The following CDKAL1 variants were observed in gnomAD, a reference collection of about 807,000 sequenced individuals.
CDKAL1 encodes CDKAL1 threonylcarbamoyladenosine tRNA methylthiotransferase, also known as threonylcarbamoyladenosine tRNA methylthiotransferase.
Under a neutral mutation model 68.2 loss-of-function variants are expected in CDKAL1, and 32 were observed. The observed-to-expected ratio is 0.47, with a 90% confidence interval of 0.35 to 0.63. The LOEUF (loss-of-function observed/expected upper bound fraction) is 0.63, where lower values mean the gene tolerates loss of function less well. Ranked by LOEUF, CDKAL1 falls within the 30% of genes least tolerant of loss-of-function variation. The probability of loss-of-function intolerance (pLI) is 0.00; values close to 1 mark genes in which losing one functional copy is unlikely to be tolerated. For missense variants in CDKAL1, 606 were observed against 696.7 expected (o/e 0.87, Z 1.47); for synonymous variants, 234 against 244.3 (o/e 0.96, Z 0.39).
intron 10 of CDKAL1, among the ~76,000 whole-genome samples, chr6:20,978,422 G>C (rs957049506): frequency 2.0e-5 from 3 of 152,100 alleles, no homozygotes; most frequent in Non-Finnish European, 4.4e-5. Flanking sequence ...TTCAAAATTT[G>C]GTTCTTTTAT....
chr6:20,572,881 GAAA>G (rs1226676343), intron 4 of CDKAL1, among the ~76,000 whole-genome samples: 1 of 151,920 alleles, frequency 6.6e-6, no homozygotes. Context: ...TTTAAAAAAA[GAAA>G]AAAACTAGGC....
intron 13 of CDKAL1, among the ~76,000 whole-genome samples, chr6:21,121,378 C>T (rs1040397301): frequency 5.3e-5 from 8 of 152,122 alleles, no homozygotes; most frequent in Admixed American, 1.3e-4. Flanking sequence ...GAGAATACTG[C>T]GTTCCATAGA....
At chr6:20,977,568 A>G (rs1269189065) in intron 10 of CDKAL1, among the ~76,000 whole-genome samples, 1 of 152,148 alleles carries the variant, frequency 6.6e-6, no homozygotes, top group Non-Finnish European at 1.5e-5. Flanking sequence ...TCATTCTATG[A>G]TTTTTAAAAA....
chr6:20,792,285 A>G (rs907968769), intron 8 of CDKAL1, among the ~76,000 whole-genome samples: 3 of 152,146 alleles, frequency 2.0e-5, no homozygotes, highest in African/African-American at 7.2e-5. Context: ...AGGAGTGTCT[A>G]TTTTTTGGTA....
Position 20,840,820 on chromosome 6 carries a change from C to T in CDKAL1, c.639-5255C>T, listed in dbSNP as rs115158921. On this transcript the variant is annotated intron_variant, in intron 8 of 15. Coordinates refer to ENST00000274695, the MANE Select transcript of CDKAL1 (RefSeq NM_017774.3). Reference sequence around the variant, plus strand: ...AAAAACAGTTAAACCAAGATGAGGGCTCACAGTAGGCTATATTTAACAATG... The same window carrying T: ...AAAAACAGTTAAACCAAGATGAGGGTTCACAGTAGGCTATATTTAACAATG... 3.5e-3 allele frequency among the ~76,000 whole-genome samples: 529 copies of T among 152,312 alleles called. 1 individual carries two copies. The highest frequency in any genetic ancestry group is 5.4e-3 in the Non-Finnish European group (365 of 68,036).
chr6:21,004,892 T>A (rs1354798267), intron 11 of CDKAL1, among the ~76,000 whole-genome samples: 2 of 152,098 alleles, frequency 1.3e-5, no homozygotes, highest in Non-Finnish European at 2.9e-5. Flanking sequence ...AGCCTGGAAG[T>A]TGGAAGTTAC....
At position 20,658,799 on chromosome 6, in the gene CDKAL1, C is replaced by T. The variant is rs536634772; in HGVS notation, c.371+9422C>T. Among the ~76,000 whole-genome samples, 4 of 152,194 alleles carry T rather than the reference C, an allele frequency of 2.6e-5. No individual in the cohort carries two copies. The South Asian group carries it at 6.2e-4, about 24-fold the overall frequency. On this transcript the variant is annotated intron_variant, in intron 5 of 15. Coordinates refer to ENST00000274695, the MANE Select transcript of CDKAL1 (RefSeq NM_017774.3). ...ATTCACTAGTAATTTTCTTTTTTAA[C>T]TAAACTTCTAAAAGTTACTTTTATT...
At chr6:21,044,448 C>T (rs1175951770) in intron 11 of CDKAL1, among the ~76,000 whole-genome samples, 2 of 152,192 alleles carry the variant, frequency 1.3e-5, no homozygotes, top group African/African-American at 4.8e-5. Context: ...TAGCATCACA[C>T]ACATTTATAC....
rs563963109 is a variant in CDKAL1, at chr6:21,015,034, C to T, written c.1055+14662C>T. Among the ~76,000 whole-genome samples, 116 of 152,232 alleles carry T rather than the reference C, an allele frequency of 7.6e-4. 2 individuals are homozygous for T. The South Asian group carries it at 0.022, about 29-fold the overall frequency. On this transcript the variant is annotated intron_variant, in intron 11 of 15. Transcript: ENST00000274695. ...TCAGCCTCATGGTGAGTCCCTTTTG[C>T]GATTCTATACCATCTAGGGCATATC...
chr6:20,894,470 A>G (rs1041083860), intron 9 of CDKAL1, among the ~76,000 whole-genome samples: 4 of 148,752 alleles, frequency 2.7e-5, no homozygotes, highest in African/African-American at 9.9e-5. Flanking sequence ...AAACTTATTA[A>G]TACTTCAAAT....
In CDKAL1 at chr6:20,889,481, C is replaced by G. The variant is rs1215538739; in HGVS notation, c.742+43303C>G. On this transcript the variant is annotated intron_variant, in intron 9 of 15. Coordinates refer to ENST00000274695, the MANE Select transcript of CDKAL1 (RefSeq NM_017774.3). ...TCCTGAATGGTATTGCCTAGGTTTT[C>G]TTCTAGGGTTTTTATGGTTTTAGGT... Among the ~76,000 whole-genome samples the G allele has an allele frequency of 3.3e-5, 5 of 151,998 alleles. No individual in the cohort carries two copies. The South Asian group carries it at 8.3e-4, about 25-fold the overall frequency.
intron 13 of CDKAL1, among the ~76,000 whole-genome samples, chr6:21,153,205 C>A (rs1239559902): frequency 2.0e-5 from 3 of 148,044 alleles, no homozygotes; most frequent in Non-Finnish European, 4.5e-5. Flanking sequence ...ATATTGACAA[C>A]CTCATTGGCA....
chr6:20,562,087 CTTAATACAGTATGG>C (rs2127669780), intron 4 of CDKAL1, among the ~76,000 whole-genome samples: 1 of 152,268 alleles, frequency 6.6e-6, no homozygotes, highest in African/African-American at 2.4e-5. Flanking sequence ...TTCCTTCAAA[CTTAATACAGTATGG>C]TTATATATAT....
At chr6:20,928,346 A>T (rs942875763) in intron 9 of CDKAL1, among the ~76,000 whole-genome samples, 1 of 152,254 alleles carries the variant, frequency 6.6e-6, no homozygotes, top group Non-Finnish European at 1.5e-5. Context: ...CTTTGTTTTT[A>T]AAAATGTTTT....
intron 9 of CDKAL1, among the ~76,000 whole-genome samples, chr6:20,947,872 G>A (rs534851459): frequency 1.4e-4 from 22 of 152,200 alleles, no homozygotes; most frequent in Admixed American, 5.2e-4. Flanking sequence ...CTTTCACACC[G>A]TCATAAAGTT....
intron 12 of CDKAL1, among the ~76,000 whole-genome samples, chr6:21,065,668 C>G (rs1771398059): frequency 2.0e-5 from 2 of 100,470 alleles, no homozygotes. Context: ...TTGATACTAT[C>G]TTTCTACCTT....
chr6:20,875,284 C>T (rs923636951), intron 9 of CDKAL1, among the ~76,000 whole-genome samples: 5 of 115,016 alleles, frequency 4.3e-5, no homozygotes, highest in African/African-American at 1.7e-4. Context: ...CCGGCCTGGG[C>T]GACAGAGCGA....
intron 8 of CDKAL1, among the ~76,000 whole-genome samples, chr6:20,792,044 T>C (rs1775919495): frequency 1.3e-5 from 2 of 151,972 alleles, no homozygotes; most frequent in Admixed American, 1.3e-4. Flanking sequence ...TGAACACACA[T>C]GTGATTGTGG....
At chr6:20,984,733 G>A (rs928334602) in intron 10 of CDKAL1, among the ~76,000 whole-genome samples, 26 of 149,398 alleles carry the variant, frequency 1.7e-4, no homozygotes, top group Admixed American at 1.5e-3. Flanking sequence ...TCTCTCTGAC[G>A]TCCAACTACA....
Sources: gnomAD v4.1 joint callset for allele counts (sites outside exome capture counted in the v4.1 genomes callset) on GRCh38, gnomAD v4.1.1 for gene constraint, MANE v1.5 for transcripts, NCBI Gene and HGNC (gene_info 2026-07-23, HGNC 2026-07-21) for gene names.